Variants in ZFHX3 observed in about 807,000 individuals in gnomAD.
The protein encoded by ZFHX3 is zinc finger homeobox 3, also known as zinc finger homeobox protein 3.
In ZFHX3, 42 loss-of-function variants were observed where a neutral mutation model predicts 279.1. The observed-to-expected ratio is 0.15, with a 90% CI of 0.12 to 0.19. The LOEUF (loss-of-function observed/expected upper bound fraction) is 0.19, where lower values mean the gene tolerates loss of function less well. Among genes scored for constraint, ZFHX3 ranks in the 10% least tolerant of loss-of-function variants. The pLI, the probability that ZFHX3 is intolerant of heterozygous loss-of-function variation, is 1.00. For synonymous variants in ZFHX3, 2,293 were observed against 1,957.8 expected, an observed-to-expected ratio of 1.17 and a Z score of -4.52; for missense variants, 4,981 against 4,754.0, an observed-to-expected ratio of 1.05 and a Z score of -1.40.
intron 2 of ZFHX3, among the ~76,000 whole-genome samples, chr16:73,659,666 G>C (rs1041329384): frequency 1.3e-5 from 2 of 152,074 alleles, no homozygotes; most frequent in Non-Finnish European, 2.9e-5. Flanking sequence ...AGCAAGCAAA[G>C]CATGGCAAAG....
At chr16:73,159,308 G>A (rs561174298) in intron 5 of ZFHX3, among the ~76,000 whole-genome samples, 83 of 152,294 alleles carry the variant, frequency 5.4e-4, no homozygotes, top group African/African-American at 1.9e-3. Context: ...AAATGGTCAC[G>A]CATTTTTCTC....
At chr16:73,377,936 G>A (rs1326383304) in intron 3 of ZFHX3, among the ~76,000 whole-genome samples, 1 of 148,244 alleles carries the variant, frequency 6.7e-6, no homozygotes. Context: ...AGGAGGCTGG[G>A]GCAGGAGAAT....
chr16:73,265,987 C>G (rs11862418), intron 4 of ZFHX3, among the ~76,000 whole-genome samples: 51,442 of 152,058 alleles, frequency 0.34, 8,951 homozygotes, highest in Non-Finnish European at 0.39. Flanking sequence ...ATCACTTTCT[C>G]CATTGCTAAC....
intron 3 of ZFHX3, among the ~76,000 whole-genome samples, chr16:73,416,852 C>G (rs563963524): frequency 6.6e-6 from 1 of 151,318 alleles, no homozygotes; most frequent in Non-Finnish European, 1.5e-5. Flanking sequence ...CCAGCCTGGG[C>G]GACAGAGCGA....
intron 1 of ZFHX3, among the ~76,000 whole-genome samples, chr16:73,707,391 G>A (rs747828022): frequency 1.8e-4 from 27 of 152,224 alleles, no homozygotes; most frequent in Non-Finnish European, 3.1e-4. Flanking sequence ...AAAAAAGCAA[G>A]TTGTGGATGG....
intron 5 of ZFHX3, among the ~76,000 whole-genome samples, chr16:73,234,275 T>C (rs1314954267): frequency 1.3e-5 from 2 of 152,196 alleles, no homozygotes; most frequent in Non-Finnish European, 2.9e-5. Context: ...GAATGTTAAA[T>C]GCAGGAGATG....
chr16:72,974,432 G>A (rs1159259495), intron 1 of ZFHX3, among the ~76,000 whole-genome samples: 1 of 152,162 alleles, frequency 6.6e-6, no homozygotes, highest in East Asian at 1.9e-4. Flanking sequence ...CTGAAACAAG[G>A]AGTGTGTTTT....
At chr16:73,787,496 C>T (rs1597115584) in intron 1 of ZFHX3, among the ~76,000 whole-genome samples, 1 of 152,300 alleles carries the variant, frequency 6.6e-6, no homozygotes, top group African/African-American at 2.4e-5. Flanking sequence ...TGTTCTGTGG[C>T]TCCTGGTTGC....
chr16:73,823,337 A>T (rs1385560326), intron 1 of ZFHX3, among the ~76,000 whole-genome samples: 1 of 152,162 alleles, frequency 6.6e-6, no homozygotes, highest in Non-Finnish European at 1.5e-5. Context: ...AAGCCTGATT[A>T]GAGAGACAAG....
At chr16:73,226,373 CAT>C (rs1328951632) in intron 5 of ZFHX3, among the ~76,000 whole-genome samples, 7 of 152,234 alleles carry the variant, frequency 4.6e-5, no homozygotes, top group Admixed American at 1.3e-4. Context: ...TGAATGTACA[CAT>C]GTTGTTCTAA....
intron 1 of ZFHX3, among the ~76,000 whole-genome samples, chr16:73,847,645 AACT>A (rs1961482101): frequency 6.6e-6 from 1 of 152,146 alleles, no homozygotes; most frequent in African/African-American, 2.4e-5. Flanking sequence ...GACTAATAAA[AACT>A]ACCTTGTAGA....
intron 2 of ZFHX3, among the ~76,000 whole-genome samples, chr16:73,539,433 C>CTTTTTTTTTTTTTTTTTTTTTTTTTTTT (rs1162434013): frequency 1.5e-5 from 1 of 65,086 alleles, no homozygotes; most frequent in Non-Finnish European, 2.9e-5. Flanking sequence ...TCCTCTTCTT[C>CTTTTTTTTTTTTTTTTTTTTTTTTTTTT]TTTTTTTTTT....
At chr16:73,179,704 A>G (rs1967748128) in intron 5 of ZFHX3, among the ~76,000 whole-genome samples, 1 of 152,160 alleles carries the variant, frequency 6.6e-6, no homozygotes, top group Admixed American at 6.5e-5. Context: ...GCTAGAGGGA[A>G]TGAATAACAG....
upstream of ZFHX3, among the ~76,000 whole-genome samples, chr16:73,052,296 T>C (rs1405874339): frequency 1.3e-5 from 2 of 151,776 alleles, no homozygotes; most frequent in South Asian, 2.1e-4. Context: ...AAACGATCCA[T>C]TAAATGCTAT....
intron 4 of ZFHX3, among the ~76,000 whole-genome samples, chr16:72,836,785 C>T (rs1301869600): frequency 2.0e-5 from 3 of 152,098 alleles, no homozygotes; most frequent in African/African-American, 4.8e-5. Flanking sequence ...ATGAGTGGGA[C>T]ATATTGAGCT....
intron 1 of ZFHX3, among the ~76,000 whole-genome samples, chr16:73,764,812 C>T (rs568390266): frequency 3.9e-4 from 59 of 152,312 alleles, no homozygotes; most frequent in African/African-American, 1.2e-3. Context: ...GCCTAAGCCA[C>T]CCTGCTTCTC....
intron 3 of ZFHX3, among the ~76,000 whole-genome samples, chr16:73,370,196 T>A (rs2016601104): frequency 6.6e-6 from 1 of 152,212 alleles, no homozygotes; most frequent in African/African-American, 2.4e-5. Context: ...CTGATCATCA[T>A]ATGGTGATGG....
rs536398291 is a variant in ZFHX3, at chr16:73,383,349, C to G, written c.-1290-65013G>C. ...CTCCCTCTGCAAGGTTTAGGAAGCC[C>G]GAGGCAAAAAGCCGAGGCTGTAGAG... On this transcript the variant is annotated intron_variant, in intron 3 of 17. Transcript: ENST00000641206. Among the ~76,000 whole-genome samples the G allele has an allele frequency of 5.9e-5, 9 of 152,180 alleles. No homozygotes were observed. The East Asian group carries it at 1.4e-3, about 23-fold the overall frequency.
chr16:73,157,916 G>T (rs1450916898), intron 5 of ZFHX3, among the ~76,000 whole-genome samples: 1 of 152,018 alleles, frequency 6.6e-6, no homozygotes, highest in Non-Finnish European at 1.5e-5. Flanking sequence ...TAGCATTTCT[G>T]GACTTCTCGG....
Sources: allele counts gnomAD v4.1 joint callset (sites outside exome capture counted in the v4.1 genomes callset), GRCh38; gene constraint gnomAD v4.1.1; transcripts MANE v1.5; gene names NCBI Gene and HGNC (gene_info 2026-07-23, HGNC 2026-07-21).